The following OXR1 variants were observed in gnomAD, a reference collection of about 807,000 sequenced individuals.
OXR1 encodes the protein oxidation resistance protein 1.
A neutral mutation model predicts 104.6 loss-of-function variants in OXR1; 41 were observed. That is an observed-to-expected ratio of 0.39 (90% CI 0.31 to 0.51). OXR1 has a LOEUF of 0.51. Among genes scored for constraint, OXR1 ranks in the 20% least tolerant of loss-of-function variants. OXR1 has a pLI of 0.77. For missense variants in OXR1, 955 were observed against 1,031.9 expected, an observed-to-expected ratio of 0.93 and a Z score of 1.02; for synonymous variants, 348 against 348.4, an observed-to-expected ratio of 1.00 and a Z score of 0.01.
chr8:106,315,389 A>T (rs1396998030), intron 1 of OXR1, among the ~76,000 whole-genome samples: 1 of 152,146 alleles, frequency 6.6e-6, no homozygotes, highest in Non-Finnish European at 1.5e-5. Context: ...AAATTAACTC[A>T]TTTAATATAT....
At chr8:106,489,098 C>A (rs1051684848) in intron 2 of OXR1, among the ~76,000 whole-genome samples, 9 of 149,452 alleles carry the variant, frequency 6.0e-5, no homozygotes, top group African/African-American at 2.0e-4. Context: ...CTTTTATTTC[C>A]TTGAGCAGTG....
chr8:106,646,749 C>T (rs1373814160), intron 3 of OXR1, among the ~76,000 whole-genome samples: 1 of 152,152 alleles, frequency 6.6e-6, no homozygotes, highest in Admixed American at 6.5e-5. Flanking sequence ...ACTGCAACCT[C>T]AAAGAAAGTG....
intron 2 of OXR1, among the ~76,000 whole-genome samples, chr8:106,424,805 G>A (rs888610301): frequency 6.6e-6 from 1 of 151,768 alleles, no homozygotes; most frequent in Non-Finnish European, 1.5e-5. Flanking sequence ...TTAATTTGAG[G>A]AGTTAAAAAA....
intron 7 of OXR1, among the ~76,000 whole-genome samples, chr8:106,702,487 T>G (rs572336217): frequency 1.3e-5 from 2 of 152,328 alleles, no homozygotes; most frequent in South Asian, 4.1e-4. Context: ...TCTTTTCCTT[T>G]TATAATATTA....
intron 3 of OXR1, among the ~76,000 whole-genome samples, chr8:106,578,954 T>C (rs1279903756): frequency 6.6e-6 from 1 of 151,670 alleles, no homozygotes; most frequent in Non-Finnish European, 1.5e-5. Flanking sequence ...TCTTTGACTT[T>C]AGTGACCACC....
At chr8:106,498,850 TTTTACC>T (rs1301242262) in intron 2 of OXR1, among the ~76,000 whole-genome samples, 1 of 152,198 alleles carries the variant, frequency 6.6e-6, no homozygotes, top group African/African-American at 2.4e-5. Context: ...CTGATGCAGG[TTTTACC>T]TTTTTAGCTA....
At chr8:106,659,250 T>G (rs984655580) in intron 3 of OXR1, among the ~76,000 whole-genome samples, 3 of 152,234 alleles carry the variant, frequency 2.0e-5, no homozygotes, top group Admixed American at 6.5e-5. Context: ...TGAACCACCA[T>G]GCTGGGCCCT....
chr8:106,419,052 A>C (rs563387308), intron 2 of OXR1, among the ~76,000 whole-genome samples: 1 of 152,138 alleles, frequency 6.6e-6, no homozygotes, highest in Admixed American at 6.6e-5. Context: ...TTCCACTCCT[A>C]TGGTTTTCAT....
At chr8:106,673,934 G>T (rs777794863) in intron 3 of OXR1, among the ~76,000 whole-genome samples, 9 of 152,254 alleles carry the variant, frequency 5.9e-5, no homozygotes, top group Non-Finnish European at 1.3e-4. Context: ...CAAACACCTG[G>T]ATGTCCAGAC....
At chr8:106,644,483 G>C (rs1052221880) in intron 3 of OXR1, among the ~76,000 whole-genome samples, 2 of 152,134 alleles carry the variant, frequency 1.3e-5, no homozygotes, top group Non-Finnish European at 2.9e-5. Flanking sequence ...TGTATTTCTT[G>C]TTCCTCTTAC....
At chr8:106,503,031 A>G (rs541249177) in intron 2 of OXR1, among the ~76,000 whole-genome samples, 1 of 152,230 alleles carries the variant, frequency 6.6e-6, no homozygotes, top group Admixed American at 6.5e-5. Context: ...CATCCTTTTT[A>G]TGCCCCAAAG....
At chr8:106,730,052 T>TC (rs1833735488) in intron 11 of OXR1, among the ~76,000 whole-genome samples, 1 of 152,060 alleles carries the variant, frequency 6.6e-6, no homozygotes, top group South Asian at 2.1e-4. Flanking sequence ...TGTTTTATTA[T>TC]CCCCCTAACT....
At chr8:106,603,307 G>T (rs1464296584) in intron 3 of OXR1, among the ~76,000 whole-genome samples, 24 of 152,108 alleles carry the variant, frequency 1.6e-4, no homozygotes, top group Admixed American at 1.4e-3. Flanking sequence ...AAGCCTTGAT[G>T]CTGTCCTTAT....
At chr8:106,497,261 A>G (rs1438222493) in intron 2 of OXR1, among the ~76,000 whole-genome samples, 1 of 152,206 alleles carries the variant, frequency 6.6e-6, no homozygotes. Context: ...CACTAAATTG[A>G]CATATTGACT....
chr8:106,649,174 C>A (rs961785943), intron 3 of OXR1, among the ~76,000 whole-genome samples: 2 of 152,052 alleles, frequency 1.3e-5, no homozygotes, highest in Non-Finnish European at 2.9e-5. Flanking sequence ...CACTGCATGC[C>A]AGCCTGGACA....
chr8:106,739,306 G>C, intron 12 of OXR1, 152 bp from the exon 13 acceptor site: 1 of 637,678 alleles, frequency 1.6e-6, no homozygotes, highest in Non-Finnish European at 2.7e-6. Flanking sequence ...ATAGATATTA[G>C]ATATGGGCCA....
At chr8:106,284,370 G>A (rs1456382686) in intron 1 of OXR1, among the ~76,000 whole-genome samples, 2 of 152,072 alleles carry the variant, frequency 1.3e-5, no homozygotes, top group African/African-American at 4.8e-5. Flanking sequence ...GGCAAGGTGA[G>A]TGTGGGACCA....
At chr8:106,620,896 C>G (rs1398596236) in intron 3 of OXR1, among the ~76,000 whole-genome samples, 1 of 151,632 alleles carries the variant, frequency 6.6e-6, no homozygotes, top group Non-Finnish European at 1.5e-5. Context: ...AAATTATAAA[C>G]CATAAGGATC....
At chr8:106,664,629 A>C (rs1266189006) in intron 3 of OXR1, among the ~76,000 whole-genome samples, 1 of 152,214 alleles carries the variant, frequency 6.6e-6, no homozygotes, top group Non-Finnish European at 1.5e-5. Context: ...TAAAATGCAT[A>C]CTTGCGTAAT....
Sources: allele counts gnomAD v4.1 joint callset (sites outside exome capture counted in the v4.1 genomes callset), GRCh38; gene constraint gnomAD v4.1.1; transcripts MANE v1.5; gene names NCBI Gene and HGNC (gene_info 2026-07-23, HGNC 2026-07-21).